FAM186B: variants seen among roughly 807,000 people sequenced by gnomAD.
FAM186B encodes protein FAM186B.
FAM186B carries 68 observed loss-of-function variants against 83.4 expected under a neutral mutation model. That is an observed-to-expected ratio of 0.81 (90% CI 0.67 to 1.00). The LOEUF is 1.00. Ranked by LOEUF, FAM186B falls within the 50% of genes least tolerant of loss-of-function variation. The probability of loss-of-function intolerance (pLI) is 0.00; values close to 1 mark genes in which losing one functional copy is unlikely to be tolerated. For missense variants in FAM186B, 983 were observed against 1,099.2 expected, an observed-to-expected ratio of 0.89 and a Z score of 1.49; for synonymous variants, 389 against 422.0, an observed-to-expected ratio of 0.92 and a Z score of 0.96.
intron 5 of FAM186B, among the ~76,000 whole-genome samples, chr12:49,597,307 A>G (rs573252515): frequency 6.6e-6 from 1 of 152,338 alleles, no homozygotes; most frequent in East Asian, 1.9e-4. Flanking sequence ...GCCATTTGCC[A>G]CAATATGGTT....
rs1939479041 is a variant in FAM186B at position 49,587,697 on chromosome 12, A to G, written c.2590T>C (p.Tyr864His). The G allele has an allele frequency of 6.2e-7, 1 of 1,613,870 alleles. No homozygotes were observed. The highest frequency in any genetic ancestry group is 8.5e-7 in the Non-Finnish European group (1 of 1,180,008). The change falls in exon 7 of 7, where the codon TAC (tyrosine) becomes CAC (histidine). Residue 864 changes from tyrosine (Y) to histidine (H), a missense_variant. By Grantham distance (83) the Tyr-to-His change is moderately conservative (BLOSUM62 2). Coordinates refer to ENST00000257894, the MANE Select transcript of FAM186B (RefSeq NM_032130.3). Reference sequence around the variant, plus strand: ...GCAGGGGTCTTTTTTTCTATTGCGTAACTGGAGGAGGCCACCTCGGTCTTC... The same window carrying G: ...GCAGGGGTCTTTTTTTCTATTGCGTGACTGGAGGAGGCCACCTCGGTCTTC... ...VWKTEVASSS[Y>H]AIEKKTPASL...
intron 5 of FAM186B, among the ~76,000 whole-genome samples, chr12:49,591,155 A>G (rs1939572215): frequency 6.6e-6 from 1 of 152,204 alleles, no homozygotes; most frequent in South Asian, 2.1e-4. Context: ...AGAAGCCAGC[A>G]GCCTTGCTGA....
chr12:49,586,293 T>A (rs1939440968), downstream of FAM186B, among the ~76,000 whole-genome samples: 1 of 152,124 alleles, frequency 6.6e-6, no homozygotes, highest in Admixed American at 6.5e-5. Flanking sequence ...TTTAGAATTG[T>A]GCATGTTTTA....
At chr12:49,591,836 C>G (rs1380893719) in intron 5 of FAM186B, among the ~76,000 whole-genome samples, 2 of 152,094 alleles carry the variant, frequency 1.3e-5, no homozygotes, top group African/African-American at 4.8e-5. Context: ...ATTAAATGGT[C>G]TCTAGATTAC....
At position 49,600,686 on chromosome 12, in the gene FAM186B, C is replaced by G; in HGVS notation, c.954G>C (p.Leu318=). The G allele has an allele frequency of 6.2e-7, 1 of 1,614,192 alleles. No homozygotes were observed. The highest frequency in any genetic ancestry group is 8.5e-7 in the Non-Finnish European group (1 of 1,180,026). The stretch of plus-strand genomic sequence containing the variant: ...GACCTGTAGCATTCTGAGCCTTCTT[C>G]AGCTGGAACTCCAAGGCCTGCTTCA... The part of the protein sequence containing the change: ...LLMKQALEFQ[L]KKAQNATGQA... Residue 318 remains leucine (L), a synonymous_variant, in exon 4 of 7, where the codon CTG becomes CTC. Coordinates refer to ENST00000257894, the MANE Select transcript of FAM186B (RefSeq NM_032130.3). The surrounding 1 kb of genome is among the most constrained non-coding windows in gnomAD (Gnocchi z 4.3).
At chr12:49,605,183 G>T (rs1939985705) in intron 1 of FAM186B, 199 bp downstream of exon 1, 1 of 1,402,464 alleles carries the variant, frequency 7.1e-7, no homozygotes, top group Non-Finnish European at 9.3e-7. Flanking sequence ...CCTCAGGCGG[G>T]TGGTTGCTTT....
rs140386687 is a variant in FAM186B at position 49,598,861 on chromosome 12, A to C, written c.2258T>G (p.Ile753Ser). 1.2e-6 allele frequency: 2 copies of C among 1,613,152 alleles called. No homozygotes were observed. The highest frequency in any genetic ancestry group is 1.7e-6 in the Non-Finnish European group (2 of 1,179,838). Reference sequence around the variant, plus strand: ...CAGCCTGAGACTCTGCAGGCGGTCAATGTTTTCCAGGAAGATGTAGAGGTT... The same window carrying C: ...CAGCCTGAGACTCTGCAGGCGGTCACTGTTTTCCAGGAAGATGTAGAGGTT... The part of the protein sequence containing the change: ...AQNLYIFLEN[I>S]DRLQSLRLQA... Residue 753 changes from isoleucine (I) to serine (S), a missense_variant, in exon 5 of 7, where the codon ATT becomes AGT. Coordinates refer to ENST00000257894, the MANE Select transcript of FAM186B (RefSeq NM_032130.3).
At chr12:49,593,632 C>CAAAAAAA (rs34152009) in intron 5 of FAM186B, among the ~76,000 whole-genome samples, 133 of 86,348 alleles carry the variant, frequency 1.5e-3, no homozygotes, top group African/African-American at 5.0e-3. Context: ...GACTCCATCT[C>CAAAAAAA]AAAAAAAAAA....
At chr12:49,591,265 A>G (rs956684294) in intron 5 of FAM186B, among the ~76,000 whole-genome samples, 1 of 152,210 alleles carries the variant, frequency 6.6e-6, no homozygotes, top group Non-Finnish European at 1.5e-5. Context: ...GGAATCTCCA[A>G]AGCTCTGCAG....
chr12:49,618,998 G>C, the FAM186B span, among the ~76,000 whole-genome samples: 1 of 152,194 alleles, frequency 6.6e-6, no homozygotes, highest in Non-Finnish European at 1.5e-5. Context: ...AAGTCACCTA[G>C]AAAGGACAAG....
chr12:49,599,099 G>C (rs910065334), intron 4 of FAM186B, 152 bp from the exon 5 acceptor site: 19 of 797,696 alleles, frequency 2.4e-5, no homozygotes, highest in Admixed American at 8.6e-5. Flanking sequence ...GCAGAGAAAA[G>C]TGGGAGGTGG....
At chr12:49,596,280 G>A (rs990282643) in intron 5 of FAM186B, among the ~76,000 whole-genome samples, 7 of 146,870 alleles carry the variant, frequency 4.8e-5, no homozygotes, top group Non-Finnish European at 8.9e-5. Flanking sequence ...AGGCAGAGCA[G>A]GAGTTCAAGA....
intron 2 of FAM186B, among the ~76,000 whole-genome samples, chr12:49,603,931 C>T (rs898184589): frequency 3.9e-5 from 6 of 152,190 alleles, no homozygotes; most frequent in Non-Finnish European, 7.3e-5. Context: ...TTTAATGCAG[C>T]TGGCCCACAC....
At chr12:49,615,112 G>A in the FAM186B span, among the ~76,000 whole-genome samples, 3 of 151,960 alleles carry the variant, frequency 2.0e-5, no homozygotes, top group Non-Finnish European at 4.4e-5. Flanking sequence ...CTGGGTGACA[G>A]AGCGAGACTC....
At position 49,587,548 on chromosome 12, in the gene FAM186B, CA is replaced by C; in HGVS notation, c.*56del. ...TTTATTGGGGAGAATCCACATTGACCATCAGCCTCGCACCTTACTGGGCCTT... is the reference window on the plus strand; with the variant it reads ...TTTATTGGGGAGAATCCACATTGACCTCAGCCTCGCACCTTACTGGGCCTT... On this transcript the variant is annotated 3_prime_UTR_variant, in exon 7 of 7. Coordinates refer to ENST00000257894, the MANE Select transcript of FAM186B (RefSeq NM_032130.3). The C allele has an allele frequency of 6.2e-7, 1 of 1,605,888 alleles. No individual in the cohort carries two copies. Among genetic ancestry groups the C allele is most frequent in the East Asian group, 2.2e-5 (1 of 44,816 alleles).
rs749905477 is a variant in FAM186B at position 49,599,469 on chromosome 12, C to T, written c.2171G>A (p.Arg724Gln). The change falls in exon 4 of 7, where the codon CGG (arginine) becomes CAG (glutamine). Residue 724 changes from arginine (R) to glutamine (Q), a missense_variant and splice_region_variant. Arg to Gln is a conservative substitution (Grantham distance 43). Coordinates refer to ENST00000257894, the MANE Select transcript of FAM186B (RefSeq NM_032130.3). ...CAGGTGGGTTCCAGGGAGGACCTACCGGAGGCTCTGGAGGCGTCTATAGAA... is the reference window on the plus strand; with the variant it reads ...CAGGTGGGTTCCAGGGAGGACCTACTGGAGGCTCTGGAGGCGTCTATAGAA... ...YIFYRRLQSL[R>Q]QEAINHVQIM... 9.2e-5 allele frequency: 141 copies of T among 1,525,268 alleles called. 2 individuals are homozygous for T. Among genetic ancestry groups the T allele is most frequent in the South Asian group, 2.3e-4 (17 of 75,200 alleles). 94.5% of individuals were successfully genotyped at this position (1,525,268 alleles called of 1,614,324 possible).
chr12:49,615,166 C>T, the FAM186B span, among the ~76,000 whole-genome samples: 1 of 151,806 alleles, frequency 6.6e-6, no homozygotes, highest in African/African-American at 2.4e-5. Context: ...GTACAGTGTA[C>T]ACTGCTCAGG....
downstream of FAM186B, among the ~76,000 whole-genome samples, chr12:49,585,939 C>T (rs879118787): frequency 6.6e-6 from 1 of 152,190 alleles, no homozygotes; most frequent in Non-Finnish European, 1.5e-5. Flanking sequence ...TGTTAGAGAC[C>T]AGCAGATCCT....
intron 5 of FAM186B, chr12:49,595,196 T>C (rs1469631163): frequency 7.1e-6 from 4 of 564,152 alleles, no homozygotes; most frequent in Non-Finnish European, 1.3e-5. Context: ...GTAGATGTCA[T>C]GAGGCAAGCT....
Sources: gnomAD v4.1 joint callset for allele counts (sites outside exome capture counted in the v4.1 genomes callset) on GRCh38, gnomAD v4.1.1 for gene constraint, Gnocchi (gnomAD v3.1) non-coding constraint, MANE v1.5 for transcripts, NCBI Gene and HGNC (gene_info 2026-07-23, HGNC 2026-07-21) for gene names.